The following PITPNC1 variants were observed in gnomAD, a reference collection of about 807,000 sequenced individuals.
PITPNC1 encodes the protein phosphatidylinositol transfer protein cytoplasmic 1, also known as cytoplasmic phosphatidylinositol transfer protein 1.
A neutral mutation model predicts 44.7 loss-of-function variants in PITPNC1; 18 were observed. That is an observed-to-expected ratio of 0.40 (90% CI 0.28 to 0.60). The LOEUF (loss-of-function observed/expected upper bound fraction) is 0.60, where lower values mean the gene tolerates loss of function less well. Ranked by LOEUF, PITPNC1 falls within the 20% of genes least tolerant of loss-of-function variation. PITPNC1 has a pLI of 0.39. For synonymous variants in PITPNC1, 141 were observed against 149.6 expected (o/e 0.94, Z 0.42); for missense variants, 290 against 418.4 (o/e 0.69, Z 2.68).
intron 1 of PITPNC1, among the ~76,000 whole-genome samples, chr17:67,396,977 A>C (rs2038229407): frequency 6.9e-6 from 1 of 144,398 alleles, no homozygotes; most frequent in Non-Finnish European, 1.6e-5. Flanking sequence ...TTTTAAATTT[A>C]TTTTTATTTA....
At chr17:67,682,068 A>G (rs1485693965) in intron 8 of PITPNC1, among the ~76,000 whole-genome samples, 1 of 151,904 alleles carries the variant, frequency 6.6e-6, no homozygotes, top group African/African-American at 2.4e-5. Flanking sequence ...GAGTATGGTG[A>G]CACGTGCCTG....
At chr17:67,618,364 CAAA>C (rs11417487) in intron 5 of PITPNC1, among the ~76,000 whole-genome samples, 1 of 76,872 alleles carries the variant, frequency 1.3e-5, no homozygotes. Flanking sequence ...GACTCCGTCT[CAAA>C]AAAAAAAAAA....
At chr17:67,488,344 G>T (rs2039813119) in intron 1 of PITPNC1, among the ~76,000 whole-genome samples, 1 of 152,162 alleles carries the variant, frequency 6.6e-6, no homozygotes, top group Non-Finnish European at 1.5e-5. Context: ...TATATAATGT[G>T]AACCCAGAGG....
At chr17:67,431,709 ACAGCTTATCTT>A (rs1228033704) in intron 1 of PITPNC1, among the ~76,000 whole-genome samples, 3 of 152,128 alleles carry the variant, frequency 2.0e-5, no homozygotes, top group Non-Finnish European at 2.9e-5. Context: ...TTCCCTCACC[ACAGCTTATCTT>A]CGAGTCATAA....
intron 6 of PITPNC1, among the ~76,000 whole-genome samples, chr17:67,634,275 T>A (rs1024733689): frequency 6.6e-6 from 1 of 152,138 alleles, no homozygotes; most frequent in Non-Finnish European, 1.5e-5. Flanking sequence ...GAGTGTCACA[T>A]ACAATGTTAA....
intron 6 of PITPNC1, among the ~76,000 whole-genome samples, chr17:67,647,669 C>A (rs1334536252): frequency 1.3e-5 from 2 of 151,810 alleles, no homozygotes; most frequent in Non-Finnish European, 2.9e-5. Context: ...AACCCATCTA[C>A]AGACCCTAAT....
At position 67,693,017 on chromosome 17, in the gene PITPNC1, G is replaced by A. The variant is rs951184977; in HGVS notation, c.*129G>A. On this transcript the variant is annotated 3_prime_UTR_variant, in exon 9 of 9. Coordinates refer to ENST00000581322, the MANE Select transcript of PITPNC1 (RefSeq NM_012417.4). ...GTTCCTTCGACCTTTCAGTGTGCAT[G>A]TGACTCAGTAACTTCACATAGAATA... The A allele has an allele frequency of 3.2e-6, 2 of 633,988 alleles. No individual in the cohort carries two copies. The highest frequency in any genetic ancestry group is 2.9e-5 in the Admixed American group (1 of 34,832). 39.3% of individuals were successfully genotyped at this position (633,988 alleles called of 1,614,324 possible).
At chr17:67,497,529 CTTT>C (rs34364657) in intron 1 of PITPNC1, among the ~76,000 whole-genome samples, 1 of 87,506 alleles carries the variant, frequency 1.1e-5, no homozygotes, top group Non-Finnish European at 2.1e-5. Flanking sequence ...TTGTTCGTGT[CTTT>C]TTTTTTTTTT....
intron 5 of PITPNC1, among the ~76,000 whole-genome samples, chr17:67,604,429 G>A (rs547475480): frequency 3.2e-4 from 49 of 152,164 alleles, no homozygotes; most frequent in African/African-American, 9.7e-4. Context: ...GAGGATCTGC[G>A]TAGGAACACC....
chr17:67,441,328 A>G (rs1000550602), intron 1 of PITPNC1, among the ~76,000 whole-genome samples: 3 of 144,672 alleles, frequency 2.1e-5, no homozygotes, highest in Non-Finnish European at 4.5e-5. Flanking sequence ...TCTCAAACGC[A>G]TTTCCCACAC....
chr17:67,619,873 C>T (rs1381724084), intron 5 of PITPNC1, among the ~76,000 whole-genome samples: 2 of 152,038 alleles, frequency 1.3e-5, no homozygotes, highest in Non-Finnish European at 2.9e-5. Flanking sequence ...GTCCTCACAT[C>T]GCCAGCTCAC....
intron 6 of PITPNC1, among the ~76,000 whole-genome samples, chr17:67,636,612 A>C (rs1443639178): frequency 6.6e-6 from 1 of 152,148 alleles, no homozygotes; most frequent in African/African-American, 2.4e-5. Flanking sequence ...GGGAGCCTGC[A>C]ATAAAATCTT....
chr17:67,441,135 A>G (rs2039006917), intron 1 of PITPNC1, among the ~76,000 whole-genome samples: 2 of 152,280 alleles, frequency 1.3e-5, no homozygotes, highest in African/African-American at 4.8e-5. Context: ...ACTGCTAAGT[A>G]ACTGATTTCC....
intron 1 of PITPNC1, among the ~76,000 whole-genome samples, chr17:67,399,949 A>T (rs948532415): frequency 2.0e-5 from 3 of 152,158 alleles, no homozygotes; most frequent in Non-Finnish European, 2.9e-5. Context: ...CTCACCTGTC[A>T]ATTTTCTCAA....
At chr17:67,418,780 C>T (rs570615292) in intron 1 of PITPNC1, among the ~76,000 whole-genome samples, 187 of 152,154 alleles carry the variant, frequency 1.2e-3, no homozygotes, top group African/African-American at 4.2e-3. Flanking sequence ...AGGCTGGTCT[C>T]GAACTCCTGA....
intron 5 of PITPNC1, among the ~76,000 whole-genome samples, chr17:67,614,684 AAT>A (rs1465405022): frequency 6.6e-6 from 1 of 150,466 alleles, no homozygotes; most frequent in African/African-American, 2.4e-5. Flanking sequence ...AAAAAAAAAA[AAT>A]AAATATATAA....
At chr17:67,625,372 G>A (rs189477577) in intron 5 of PITPNC1, among the ~76,000 whole-genome samples, 2 of 152,198 alleles carry the variant, frequency 1.3e-5, no homozygotes, top group Admixed American at 1.3e-4. Flanking sequence ...ACAACAAAAG[G>A]CATTCGCATC....
intron 5 of PITPNC1, among the ~76,000 whole-genome samples, chr17:67,626,064 G>A (rs1342649552): frequency 6.6e-6 from 1 of 150,702 alleles, no homozygotes; most frequent in Non-Finnish European, 1.5e-5. Flanking sequence ...TTGGCTCACT[G>A]CAACCTCTGC....
intron 2 of PITPNC1, among the ~76,000 whole-genome samples, chr17:67,541,262 A>G (rs146153180): frequency 6.6e-6 from 1 of 152,298 alleles, no homozygotes; most frequent in African/African-American, 2.4e-5. Context: ...AGACTGAGTG[A>G]GGATCCAGAA....
Sources: gnomAD v4.1 joint callset for allele counts (sites outside exome capture counted in the v4.1 genomes callset) on GRCh38, gnomAD v4.1.1 for gene constraint, MANE v1.5 for transcripts, NCBI Gene and HGNC (gene_info 2026-07-23, HGNC 2026-07-21) for gene names.